The following ARHGEF33 variants were observed in gnomAD, a reference collection of about 807,000 sequenced individuals.
ARHGEF33 encodes DH and coiled-coil domain-containing protein ENSP00000381780.
A neutral mutation model predicts 101.9 loss-of-function variants in ARHGEF33; 72 were observed. That is an observed-to-expected ratio of 0.71 (90% CI 0.58 to 0.86). ARHGEF33 has a LOEUF of 0.86. ARHGEF33 is among the 40% of genes least tolerant of loss of function. The probability of loss-of-function intolerance (pLI) is 0.00; values close to 1 mark genes in which losing one functional copy is unlikely to be tolerated. For synonymous variants in ARHGEF33, 499 were observed against 442.5 expected, an observed-to-expected ratio of 1.13 and a Z score of -1.60; for missense variants, 1,169 against 1,111.3, an observed-to-expected ratio of 1.05 and a Z score of -0.74.
intron 15 of ARHGEF33, 136 bp downstream of exon 15, chr2:38,958,334 C>T: frequency 1.8e-6 from 2 of 1,137,162 alleles, no homozygotes; most frequent in Non-Finnish European, 2.4e-6. Flanking sequence ...AAGCAGCCAA[C>T]CCGATTCTTG....
intron 4 of ARHGEF33, among the ~76,000 whole-genome samples, chr2:38,926,306 C>T (rs1201356018): frequency 3.3e-5 from 5 of 152,118 alleles, no homozygotes; most frequent in African/African-American, 1.2e-4. Context: ...GCTGTGGGCT[C>T]TCAAAAAAGA....
At chr2:38,901,485 C>G (rs7586929) in intron 2 of ARHGEF33, among the ~76,000 whole-genome samples, 88,686 of 152,134 alleles carry the variant, frequency 0.58, 27,186 homozygotes, top group East Asian at 0.87. Context: ...GGGCTCACTT[C>G]TGAGCTCGGT....
chr2:38,894,562 C>A (rs959090559), intron 1 of ARHGEF33, among the ~76,000 whole-genome samples: 6 of 152,162 alleles, frequency 3.9e-5, no homozygotes, highest in African/African-American at 1.4e-4. Flanking sequence ...TAGTGAGAGG[C>A]CCCCAGGTTC....
At position 38,920,654 on chromosome 2, in the gene ARHGEF33, C is replaced by T. The variant is rs191507999; in HGVS notation, c.26-720C>T. Among the ~76,000 whole-genome samples the T allele has an allele frequency of 8.1e-3, 1,235 of 152,148 alleles. 8 individuals carry two copies. Among genetic ancestry groups the T allele is most frequent in the Non-Finnish European group, 0.013 (864 of 67,990 alleles). On this transcript the variant is annotated intron_variant, in intron 3 of 17. Transcript: ENST00000409978. ...AACTCCTAACCTCAGGTGATCCTCC[C>T]GCCTTGGCCTCCCAAAGTGCTGGGA... is the stretch of plus-strand genomic sequence containing the variant.
intron 10 of ARHGEF33, among the ~76,000 whole-genome samples, chr2:38,945,581 G>C (rs1667426693): frequency 6.6e-6 from 1 of 152,234 alleles, no homozygotes; most frequent in African/African-American, 2.4e-5. Context: ...GCCTCTGGAA[G>C]TCTCTATGGG....
intron 4 of ARHGEF33, among the ~76,000 whole-genome samples, chr2:38,922,142 T>C (rs1001447956): frequency 6.6e-6 from 1 of 152,192 alleles, no homozygotes; most frequent in Admixed American, 6.5e-5. Context: ...TTAAAAATCA[T>C]GGAACTTTAT....
intron 8 of ARHGEF33, 23 bp from the exon 9 acceptor site, chr2:38,937,312 C>CGGGGCGG: frequency 1.7e-6 from 1 of 583,330 alleles, no homozygotes; most frequent in Non-Finnish European, 3.0e-6. Flanking sequence ...TTTGTTTCCC[C>CGGGGCGG]GCCCCTCCCC....
At chr2:38,895,633 T>A (rs1391665541) in intron 1 of ARHGEF33, 144 bp from the exon 2 acceptor site, 1 of 152,180 alleles carries the variant, frequency 6.6e-6, no homozygotes, top group African/African-American at 2.4e-5. Context: ...ACTTTATATG[T>A]TTTTTACCTA....
At chr2:38,890,961 A>T (rs1256533495) in intron 1 of ARHGEF33, among the ~76,000 whole-genome samples, 1 of 131,094 alleles carries the variant, frequency 7.6e-6, no homozygotes, top group Non-Finnish European at 1.6e-5. Context: ...AGATGACCAT[A>T]CTATTGGTTT....
intron 13 of ARHGEF33, among the ~76,000 whole-genome samples, chr2:38,955,351 C>A (rs1447040734): frequency 6.6e-6 from 1 of 152,100 alleles, no homozygotes. Context: ...TCCCACCACC[C>A]ACCTGTTCTG....
chr2:38,903,063 G>T (rs1469532188), intron 2 of ARHGEF33, among the ~76,000 whole-genome samples: 1 of 152,138 alleles, frequency 6.6e-6, no homozygotes, highest in African/African-American at 2.4e-5. Context: ...ATAAATCATA[G>T]CTTGAGGTTC....
chr2:38,945,638 T>C (rs1667427839), intron 10 of ARHGEF33, among the ~76,000 whole-genome samples: 1 of 152,248 alleles, frequency 6.6e-6, no homozygotes, highest in African/African-American at 2.4e-5. Context: ...TTTATGGTAA[T>C]GAAATCTAAA....
chr2:38,925,270 A>G (rs552914477), intron 4 of ARHGEF33, among the ~76,000 whole-genome samples: 4 of 152,360 alleles, frequency 2.6e-5, no homozygotes, highest in African/African-American at 9.6e-5. Flanking sequence ...TAATTTAAGA[A>G]AATAAATGAT....
At chr2:38,935,721 CTTAGTCCATG>C (rs1667112908) in intron 7 of ARHGEF33, 44 bp from the exon 8 acceptor site, 3 of 1,456,592 alleles carry the variant, frequency 2.1e-6, no homozygotes, top group Non-Finnish European at 2.8e-6. Flanking sequence ...GTGGAAGGTG[CTTAGTCCATG>C]TTAGTGGAAT....
At chr2:38,922,953 G>A (rs1666794505) in intron 4 of ARHGEF33, among the ~76,000 whole-genome samples, 1 of 152,132 alleles carries the variant, frequency 6.6e-6, no homozygotes, top group African/African-American at 2.4e-5. Context: ...TGCTTCACTG[G>A]TCCAAGTCCT....
At chr2:38,946,065 G>A (rs970299652) in intron 10 of ARHGEF33, among the ~76,000 whole-genome samples, 1 of 152,182 alleles carries the variant, frequency 6.6e-6, no homozygotes, top group African/African-American at 2.4e-5. Context: ...TCAAAATTCA[G>A]TCTTCCCTCT....
chr2:38,894,496 A>G (rs1029777217), intron 1 of ARHGEF33, among the ~76,000 whole-genome samples: 2 of 152,034 alleles, frequency 1.3e-5, no homozygotes, highest in Non-Finnish European at 2.9e-5. Flanking sequence ...AAAAACAAAC[A>G]AACAAACAAA....
At chr2:38,964,684 C>T (rs1405772671) in intron 16 of ARHGEF33, among the ~76,000 whole-genome samples, 4 of 151,932 alleles carry the variant, frequency 2.6e-5, no homozygotes, top group Admixed American at 6.6e-5. Flanking sequence ...GCTATAAATA[C>T]AGATGAAGCT....
chr2:38,892,069 CAGAAAAATAA>C (rs1666017471), intron 1 of ARHGEF33, among the ~76,000 whole-genome samples: 1 of 152,000 alleles, frequency 6.6e-6, no homozygotes, highest in Non-Finnish European at 1.5e-5. Context: ...CTAAAATAAT[CAGAAAAATAA>C]AGAAAAAGTG....
Sources: allele counts gnomAD v4.1 joint callset (sites outside exome capture counted in the v4.1 genomes callset), GRCh38; gene constraint gnomAD v4.1.1; transcripts MANE v1.5; gene names NCBI Gene and HGNC (gene_info 2026-07-23, HGNC 2026-07-21).